Variants in PRKCB observed in about 807,000 individuals in gnomAD.
PRKCB encodes the protein protein kinase C beta.
PRKCB carries 13 observed loss-of-function variants against 81.5 expected under a neutral mutation model. The ratio of observed to expected loss-of-function variants is 0.16; its 90% confidence interval spans 0.10 to 0.25. PRKCB has a LOEUF of 0.25. PRKCB is among the 10% of genes least tolerant of loss of function. PRKCB has a pLI of 1.00. For synonymous variants in PRKCB, 335 were observed against 321.4 expected, an observed-to-expected ratio of 1.04 and a Z score of -0.45; for missense variants, 509 against 875.7, an observed-to-expected ratio of 0.58 and a Z score of 5.29.
At position 24,218,511 on chromosome 16, in the gene PRKCB, C is replaced by G. The variant is rs1968268616; in HGVS notation, c.*3695C>G. On this transcript the variant is annotated 3_prime_UTR_variant, in exon 17 of 17. Coordinates refer to ENST00000643927, the MANE Select transcript of PRKCB (RefSeq NM_002738.7). ...GTGCTCCTGAGTTCAGTGTGCCCAC[C>G]TCACTCCCACACCCTCACATAGACT... The G allele has an allele frequency of 1.0e-6, 1 of 985,324 alleles. No homozygotes were observed. Among genetic ancestry groups the G allele is most frequent in the African/African-American group, 1.7e-5 (1 of 57,216 alleles). The allele number at this position is 985,324 out of a possible 1,614,324, so 61.0% of individuals were successfully genotyped here. A position where few individuals can be genotyped will look rare whatever the true frequency, so the allele number is the denominator to read the frequency against.
At chr16:23,864,170 C>G (rs1962732151) in intron 2 of PRKCB, among the ~76,000 whole-genome samples, 1 of 152,166 alleles carries the variant, frequency 6.6e-6, no homozygotes, top group African/African-American at 2.4e-5. Context: ...ATGGTCCCTT[C>G]CGAAGTAGAG....
intron 5 of PRKCB, among the ~76,000 whole-genome samples, chr16:24,086,512 T>A (rs1445053252): frequency 1.3e-5 from 2 of 152,216 alleles, no homozygotes; most frequent in Admixed American, 1.3e-4. Context: ...GGTTCTATGA[T>A]GCAAACCAAA....
intron 3 of PRKCB, among the ~76,000 whole-genome samples, chr16:24,018,005 A>T (rs1360044818): frequency 9.0e-5 from 13 of 144,224 alleles, no homozygotes; most frequent in Admixed American, 2.8e-4. Context: ...TTCATGCCAT[A>T]CTCCTGCCTC....
At chr16:24,185,020 C>A in intron 13 of PRKCB, 91 bp from the exon 14 acceptor site, 2 of 1,038,384 alleles carry the variant, frequency 1.9e-6, no homozygotes, top group African/African-American at 1.6e-5. Flanking sequence ...TTCAGGTGGG[C>A]ACTGGCCTTC....
intron 5 of PRKCB, among the ~76,000 whole-genome samples, chr16:24,057,513 G>T (rs116628041): frequency 0.014 from 2,173 of 152,252 alleles, 51 homozygotes; most frequent in African/African-American, 0.049. Context: ...GAGGTCATTT[G>T]CTAGATACTG....
At chr16:24,118,175 C>A (rs1165243758) in intron 8 of PRKCB, among the ~76,000 whole-genome samples, 2 of 152,218 alleles carry the variant, frequency 1.3e-5, no homozygotes, top group East Asian at 3.8e-4. Context: ...CACCTCCTTG[C>A]TGAGTGGCTG....
chr16:24,198,656 G>C (rs889002356), intron 16 of PRKCB, among the ~76,000 whole-genome samples: 1 of 152,152 alleles, frequency 6.6e-6, no homozygotes, highest in Non-Finnish European at 1.5e-5. Flanking sequence ...AGTCTTAAGC[G>C]CTAAAGTGTG....
intron 5 of PRKCB, among the ~76,000 whole-genome samples, chr16:24,049,923 T>G (rs1425653681): frequency 2.0e-5 from 3 of 152,136 alleles, no homozygotes; most frequent in Non-Finnish European, 4.4e-5. Context: ...TTAGACCTTA[T>G]ACAAGCTTGG....
rs187849977 is a variant in PRKCB, at chr16:23,929,122, A to T, written c.206-59386A>T. On this transcript the variant is annotated intron_variant, in intron 2 of 16. Coordinates refer to ENST00000643927, the MANE Select transcript of PRKCB (RefSeq NM_002738.7). The stretch of plus-strand genomic sequence containing the variant: ...CTGGCTTAAGAGGGTGCTGCATAAG[A>T]GATGGCTCAGAGGAGAGAAAGTGTA... Among the ~76,000 whole-genome samples the T allele has an allele frequency of 2.4e-4, 37 of 152,164 alleles. 1 individual carries two copies. The highest frequency in any genetic ancestry group is 1.2e-3 in the Admixed American group (18 of 15,274).
chr16:23,875,717 T>A (rs1962999817), intron 2 of PRKCB, among the ~76,000 whole-genome samples: 1 of 129,150 alleles, frequency 7.7e-6, no homozygotes, highest in Admixed American at 8.2e-5. Context: ...TATATATGTA[T>A]GTATATCACA....
chr16:23,891,962 G>A lies in PRKCB; in HGVS notation c.205+54556G>A, dbSNP rs1597231470. On this transcript the variant is annotated intron_variant, in intron 2 of 16. Transcript: ENST00000643927. Reference sequence around the variant, plus strand: ...TTGTGCAGTTAGAATCCCTTCTAGTGTAATGTGTGAAAAACCATAGGCCCC... The same window carrying A: ...TTGTGCAGTTAGAATCCCTTCTAGTATAATGTGTGAAAAACCATAGGCCCC... Among the ~76,000 whole-genome samples, 5 of 152,256 alleles carry A rather than the reference G, an allele frequency of 3.3e-5. No individual in the cohort carries two copies. In the South Asian group the frequency reaches 1.0e-3, roughly 32 times the overall value.
At chr16:23,875,499 A>G (rs1032699177) in intron 2 of PRKCB, among the ~76,000 whole-genome samples, 50 of 17,566 alleles carry the variant, frequency 2.8e-3, no homozygotes, top group Middle Eastern at 0.029. Context: ...ATATATATAT[A>G]TATATATGAT....
intron 5 of PRKCB, among the ~76,000 whole-genome samples, chr16:24,042,709 T>G (rs1965717250): frequency 6.6e-6 from 1 of 151,556 alleles, no homozygotes; most frequent in African/African-American, 2.4e-5. Context: ...TTTTAACTTT[T>G]GAGGTGAAAT....
At chr16:23,982,099 T>G (rs1440566231) in intron 2 of PRKCB, among the ~76,000 whole-genome samples, 1 of 34,944 alleles carries the variant, frequency 2.9e-5, no homozygotes, top group Non-Finnish European at 5.0e-5. Context: ...CCTTTCCTTT[T>G]CCCTTCCCTT....
At chr16:23,838,406 G>A (rs1373293096) in intron 2 of PRKCB, among the ~76,000 whole-genome samples, 2 of 152,168 alleles carry the variant, frequency 1.3e-5, no homozygotes, top group Non-Finnish European at 2.9e-5. Context: ...GCCCCTGTGG[G>A]CATTTAAGTT....
chr16:24,040,908 C>T (rs1240805516), intron 5 of PRKCB, among the ~76,000 whole-genome samples: 1 of 152,140 alleles, frequency 6.6e-6, no homozygotes, highest in Non-Finnish European at 1.5e-5. Context: ...AGACATGGAG[C>T]AGTGGGATTT....
At chr16:24,128,375 A>AAACAACAAC (rs61430133) in intron 9 of PRKCB, among the ~76,000 whole-genome samples, 28 of 152,050 alleles carry the variant, frequency 1.8e-4, no homozygotes, top group Non-Finnish European at 2.8e-4. Context: ...ACACTGTCTC[A>AAACAACAAC]AACAACAACA....
intron 9 of PRKCB, among the ~76,000 whole-genome samples, chr16:24,125,697 C>T (rs1188162879): frequency 1.3e-5 from 2 of 152,136 alleles, no homozygotes; most frequent in Non-Finnish European, 2.9e-5. Context: ...GTCGTGGTCG[C>T]CACTGTGATT....
intron 3 of PRKCB, among the ~76,000 whole-genome samples, chr16:24,001,884 G>C (rs1255002831): frequency 6.6e-6 from 1 of 152,178 alleles, no homozygotes; most frequent in Non-Finnish European, 1.5e-5. Flanking sequence ...AGTAGAGTAA[G>C]AGCTTCAGGA....
Sources: gnomAD v4.1 joint callset for allele counts (sites outside exome capture counted in the v4.1 genomes callset) on GRCh38, gnomAD v4.1.1 for gene constraint, MANE v1.5 for transcripts, NCBI Gene and HGNC (gene_info 2026-07-23, HGNC 2026-07-21) for gene names.